MORC3: variants seen among roughly 807,000 people sequenced by gnomAD.
The protein encoded by MORC3 is MORC family CW-type zinc finger 3.
Under a neutral mutation model 109.1 loss-of-function variants are expected in MORC3, and 31 were observed. The observed-to-expected ratio is 0.28, with a 90% CI of 0.21 to 0.38. The LOEUF is 0.38. Among genes scored for constraint, MORC3 ranks in the 10% least tolerant of loss-of-function variants. MORC3 has a pLI of 1.00. For missense variants in MORC3, 867 were observed against 1,135.8 expected (o/e 0.76, Z 3.40); for synonymous variants, 395 against 380.7 (o/e 1.04, Z -0.44).
At position 36,369,784 on chromosome 21, in the gene MORC3, A is replaced by C. The variant is rs2085832822; in HGVS notation, c.2416A>C (p.Lys806Gln). ...CAGCCAGTGTTCCAATAATGAGAGT[A>C]AAAGTGAAATGGATGAGATGGCTGT... ...ECSQCSNNES[K>Q]SEMDEMAVQL... Residue 806 changes from lysine to glutamine, a missense_variant, in exon 15 of 17, where the codon AAA becomes CAA. Physicochemically the swap from Lys to Gln is moderately conservative, Grantham distance 53. Coordinates refer to ENST00000400485, the MANE Select transcript of MORC3 (RefSeq NM_015358.3). The C allele has an allele frequency of 6.2e-7, 1 of 1,614,206 alleles. No individual in the cohort carries two copies. The highest frequency in any genetic ancestry group is 1.7e-5 in the Admixed American group (1 of 60,026).
intron 14 of MORC3, among the ~76,000 whole-genome samples, chr21:36,366,050 T>C (rs2085777522): frequency 6.6e-6 from 1 of 152,194 alleles, no homozygotes; most frequent in Non-Finnish European, 1.5e-5. Context: ...GATTTTAACT[T>C]TTAGATTCAG....
chr21:36,337,713 A>G lies in MORC3; in HGVS notation c.246-19A>G, dbSNP rs2085389847. 6.6e-7 allele frequency: 1 copy of G among 1,519,526 alleles called. No individual in the cohort carries two copies. The highest frequency in any genetic ancestry group is 8.9e-7 in the Non-Finnish European group (1 of 1,128,074). The allele number at this position is 1,519,526 out of a possible 1,614,324, so 94.1% of individuals were successfully genotyped here. On this transcript the variant is annotated intron_variant, in intron 3 of 16. Transcript: ENST00000400485. ...TGATTATAGGTATTTATTTTTAAAA[A>G]TCTTTATTTTCTTCTTAGCTTTGGC... is the stretch of plus-strand genomic sequence containing the variant.
intron 15 of MORC3, 76 bp downstream of exon 15, chr21:36,369,952 C>T (rs929045918): frequency 2.4e-5 from 37 of 1,520,716 alleles, no homozygotes; most frequent in East Asian, 4.5e-5. Context: ...GTTGGCTGGG[C>T]GCGGTGGCTC....
chr21:36,321,485 T>C (rs1177057646), intron 1 of MORC3, among the ~76,000 whole-genome samples: 11 of 152,178 alleles, frequency 7.2e-5, no homozygotes, highest in Non-Finnish European at 1.5e-5. Context: ...GTTATGTAAC[T>C]AGCTTATTGA....
intron 2 of MORC3, 125 bp downstream of exon 2, chr21:36,333,843 C>A: frequency 1.3e-6 from 1 of 746,766 alleles, no homozygotes; most frequent in South Asian, 1.8e-5. Context: ...AGTGCAGTGG[C>A]GCAGTCTCGG....
chr21:36,340,194 C>T (rs978787386), intron 5 of MORC3, among the ~76,000 whole-genome samples: 1 of 150,946 alleles, frequency 6.6e-6, no homozygotes. Context: ...AGGAGAATGG[C>T]GTGAACCAGG....
intron 6 of MORC3, among the ~76,000 whole-genome samples, chr21:36,343,552 G>A (rs1257410737): frequency 6.6e-6 from 1 of 150,714 alleles, no homozygotes; most frequent in Non-Finnish European, 1.5e-5. Context: ...GGGTTCAAGC[G>A]ATTCTTCTGG....
At chr21:36,375,090 A>G in intron 16 of MORC3, 53 bp from the exon 17 acceptor site, 1 of 1,526,148 alleles carries the variant, frequency 6.6e-7, no homozygotes, top group African/African-American at 1.4e-5. Context: ...TAAGGTCTAC[A>G]TGAATCTTAA....
At chr21:36,333,922 A>G (rs1349389363) in intron 2 of MORC3, among the ~76,000 whole-genome samples, 1 of 151,834 alleles carries the variant, frequency 6.6e-6, no homozygotes, top group East Asian at 1.9e-4. Context: ...AGCTGGGACT[A>G]CAGGCACCTG....
chr21:36,346,807 T>TCAAA (rs1271624023), intron 8 of MORC3, among the ~76,000 whole-genome samples: 31 of 151,460 alleles, frequency 2.0e-4, no homozygotes, highest in South Asian at 2.1e-4. Context: ...AGGTCCTATC[T>TCAAA]CAAACAAACA....
At chr21:36,333,403 G>T in intron 1 of MORC3, 1 of 519,696 alleles carries the variant, frequency 1.9e-6, no homozygotes, top group Non-Finnish European at 3.4e-6. Context: ...TTATGACATT[G>T]TAGACATAAA....
At chr21:36,343,840 A>G (rs927706996) in intron 6 of MORC3, among the ~76,000 whole-genome samples, 9 of 152,054 alleles carry the variant, frequency 5.9e-5, no homozygotes, top group Non-Finnish European at 1.2e-4. Flanking sequence ...ATTTTTGCTA[A>G]GGTCTTAGCA....
In MORC3 at chr21:36,369,117, C is replaced by T; in HGVS notation, c.1749C>T (p.Asn583=). Residue 583 remains asparagine, a synonymous_variant, in exon 15 of 17, where the codon AAC becomes AAT. Transcript: ENST00000400485. ...DDEDVIILEE[N]STPKPAVDHD... is the part of the protein sequence containing the mutation. Reference sequence around the variant, plus strand: ...AAGATGTCATCATCTTAGAAGAAAACAGTACCCCCAAACCTGCAGTAGATC... The same window carrying T: ...AAGATGTCATCATCTTAGAAGAAAATAGTACCCCCAAACCTGCAGTAGATC... 6.2e-7 allele frequency: 1 copy of T among 1,613,960 alleles called. No individual in the cohort carries two copies. The highest frequency in any genetic ancestry group is 8.5e-7 in the Non-Finnish European group (1 of 1,179,994).
chr21:36,362,053 A>G, intron 12 of MORC3, 130 bp from the exon 13 acceptor site: 2 of 981,812 alleles, frequency 2.0e-6, no homozygotes, highest in Non-Finnish European at 3.2e-6. Context: ...TATTTCCTGA[A>G]GGGCTTACTG....
Position 36,344,702 on chromosome 21 carries a change from T to C in MORC3, c.880T>C (p.Phe294Leu). Residue 294 changes from phenylalanine (F) to leucine (L), a missense_variant, in exon 7 of 17, where the codon TTT (phenylalanine) becomes CTT (leucine). By Grantham distance (22) the Phe-to-Leu change is conservative. Coordinates refer to ENST00000400485, the MANE Select transcript of MORC3 (RefSeq NM_015358.3). ...CGAACGTGATGTTTATCGACCAAAA[T>C]TTTTAGTATCCTTTTTCTGATTCCT... is the stretch of plus-strand genomic sequence containing the variant. ...YIERDVYRPK[F>L]LSKTVRITFG... is the part of the protein sequence containing the mutation. The C allele has an allele frequency of 6.2e-7, 1 of 1,613,252 alleles. No individual in the cohort carries two copies. Among genetic ancestry groups the C allele is most frequent in the Non-Finnish European group, 8.5e-7 (1 of 1,179,774 alleles).
chr21:36,333,411 A>G, intron 1 of MORC3: 1 of 536,740 alleles, frequency 1.9e-6, no homozygotes, highest in Non-Finnish European at 3.3e-6. Flanking sequence ...TTGTAGACAT[A>G]AAGAGGGCAA....
chr21:36,375,132 T>G lies in MORC3; in HGVS notation c.2667-11T>G, dbSNP rs1474879799. ...ATGCTCATCTAATAAGTTACATATT[T>G]GTATTTGCAGCCTCAAACTCCGATC... On this transcript the variant is annotated splice_polypyrimidine_tract_variant and intron_variant, in intron 16 of 16. Transcript: ENST00000400485. 6.2e-7 allele frequency: 1 copy of G among 1,606,036 alleles called. No homozygotes were observed. Among genetic ancestry groups the G allele is most frequent in the African/African-American group, 1.3e-5 (1 of 74,646 alleles).
At chr21:36,321,781 T>A (rs773980858) in intron 1 of MORC3, among the ~76,000 whole-genome samples, 1 of 152,150 alleles carries the variant, frequency 6.6e-6, no homozygotes, top group Admixed American at 6.6e-5. Context: ...CAGAAACCTG[T>A]AGTGGAGAAA....
chr21:36,340,114 T>TA (rs2085423944), intron 5 of MORC3, among the ~76,000 whole-genome samples: 1 of 151,970 alleles, frequency 6.6e-6, no homozygotes, highest in Non-Finnish European at 1.5e-5. Flanking sequence ...CTGTCTCTAC[T>TA]AAAATTACAA....
Sources: allele counts gnomAD v4.1 joint callset (sites outside exome capture counted in the v4.1 genomes callset), GRCh38; gene constraint gnomAD v4.1.1; transcripts MANE v1.5; gene names NCBI Gene and HGNC (gene_info 2026-07-23, HGNC 2026-07-21).